The following GSDMC variants were observed in gnomAD, a reference collection of about 807,000 sequenced individuals.
The protein encoded by GSDMC is gasdermin C, also known as gasdermin-C.
GSDMC carries 59 observed loss-of-function variants against 58.0 expected under a neutral mutation model. That is an observed-to-expected ratio of 1.02 (90% CI 0.82 to 1.26). The LOEUF (loss-of-function observed/expected upper bound fraction) is 1.26. Among genes scored for constraint, GSDMC ranks in the 50% most tolerant of loss-of-function variants. GSDMC has a pLI of 0.00. For synonymous variants in GSDMC, 241 were observed against 220.2 expected, an observed-to-expected ratio of 1.09 and a Z score of -0.83; for missense variants, 659 against 598.5, an observed-to-expected ratio of 1.10 and a Z score of -1.06.
intron 9 of GSDMC, 68 bp downstream of exon 9, chr8:129,751,794 T>A: frequency 6.8e-7 from 1 of 1,479,106 alleles, no homozygotes; most frequent in Non-Finnish European, 9.4e-7. Flanking sequence ...GCAGGGGCAA[T>A]CTGCCCTACT....
chr8:129,740,081 A>C, the GSDMC span, among the ~76,000 whole-genome samples: 1 of 151,968 alleles, frequency 6.6e-6, no homozygotes, highest in South Asian at 2.1e-4. Flanking sequence ...GAAATTTTAC[A>C]TAGAAAAAAG....
intron 3 of GSDMC, among the ~76,000 whole-genome samples, chr8:129,775,312 G>C (rs1255753605): frequency 6.6e-6 from 1 of 152,134 alleles, no homozygotes; most frequent in East Asian, 1.9e-4. Context: ...GTCAAACAGA[G>C]AAATACAAAT....
the GSDMC span, among the ~76,000 whole-genome samples, chr8:129,739,726 T>C: frequency 6.6e-6 from 1 of 152,248 alleles, no homozygotes; most frequent in Admixed American, 6.5e-5. Flanking sequence ...CAGTTATCTA[T>C]AATACAGAAT....
At chr8:129,717,779 G>A in the GSDMC span, among the ~76,000 whole-genome samples, 3 of 152,072 alleles carry the variant, frequency 2.0e-5, no homozygotes, top group African/African-American at 7.2e-5. Flanking sequence ...TACACTACAA[G>A]GCTACAGTAA....
At chr8:129,709,641 G>A in the GSDMC span, among the ~76,000 whole-genome samples, 3 of 140,618 alleles carry the variant, frequency 2.1e-5, no homozygotes, top group African/African-American at 8.0e-5. Context: ...GATAGATATG[G>A]AGATAGATAG....
chr8:129,780,824 C>T lies in GSDMC; in HGVS notation c.-4-3233G>A, dbSNP rs115818718. Among the ~76,000 whole-genome samples, 690 of 152,224 alleles carry T rather than the reference C, an allele frequency of 4.5e-3. 11 individuals are homozygous for T. The highest frequency in any genetic ancestry group is 0.016 in the African/African-American group (658 of 41,564). The stretch of plus-strand genomic sequence containing the variant: ...GGCCAAACGATAAACCAATCAAAAG[C>T]AACTACAACTTTCAAGACATAGTAC... On this transcript the variant is annotated intron_variant, in intron 1 of 13. Coordinates refer to ENST00000276708, the MANE Select transcript of GSDMC (RefSeq NM_031415.3).
intron 2 of GSDMC, among the ~76,000 whole-genome samples, chr8:129,776,885 C>T (rs146716745): frequency 2.4e-4 from 37 of 152,026 alleles, no homozygotes; most frequent in African/African-American, 7.0e-4. Flanking sequence ...CTCAGCCTCC[C>T]GAGTAGCTGG....
At chr8:129,751,290 G>A (rs1356940631) in intron 10 of GSDMC, among the ~76,000 whole-genome samples, 5 of 152,290 alleles carry the variant, frequency 3.3e-5, no homozygotes, top group Non-Finnish European at 5.9e-5. Context: ...TACTGCTTGG[G>A]ATGAGAGATC....
intron 3 of GSDMC, 148 bp downstream of exon 3, chr8:129,775,954 T>G (rs2034209129): frequency 4.9e-6 from 3 of 612,770 alleles, no homozygotes; most frequent in Admixed American, 3.1e-5. Flanking sequence ...AAGGGAGGTA[T>G]GAATACTCAA....
At chr8:129,718,143 C>T in the GSDMC span, among the ~76,000 whole-genome samples, 17 of 151,802 alleles carry the variant, frequency 1.1e-4, no homozygotes, top group Admixed American at 7.2e-4. Flanking sequence ...ACACAAAAAG[C>T]GATGGCAAAA....
the GSDMC span, among the ~76,000 whole-genome samples, chr8:129,733,329 A>G: frequency 1.3e-5 from 2 of 152,230 alleles, no homozygotes; most frequent in Non-Finnish European, 2.9e-5. Flanking sequence ...GGCATGGTGC[A>G]TGAGCTCTGA....
chr8:129,741,965 AG>A, the GSDMC span, among the ~76,000 whole-genome samples: 1 of 143,528 alleles, frequency 7.0e-6, no homozygotes, highest in South Asian at 2.2e-4. Flanking sequence ...GCCTTAAAAA[AG>A]AAGGATATGC....
rs2033020210 is a variant in GSDMC at position 129,748,353 on chromosome 8, CA to C, written c.*147del. 6 of 677,846 alleles carry C rather than the reference CA, an allele frequency of 8.9e-6. No individual in the cohort carries two copies. Among genetic ancestry groups the C allele is most frequent in the Non-Finnish European group, 1.4e-5 (6 of 425,192 alleles). The allele number at this position is 677,846 out of a possible 1,614,324, so 42.0% of individuals were successfully genotyped here. A position where few individuals can be genotyped will look rare whatever the true frequency, so the allele number is the denominator to read the frequency against. ...TATAGAGTATTCCACCACCCCAAAA[CA>C]TTTCCTAAAGTCTCTACCCATTACT... On this transcript the variant is annotated 3_prime_UTR_variant, in exon 14 of 14. Coordinates refer to ENST00000276708, the MANE Select transcript of GSDMC (RefSeq NM_031415.3).
In GSDMC at chr8:129,786,159, C is replaced by G. The variant is rs1454627512; in HGVS notation, c.-153G>C. On this transcript the variant is annotated 5_prime_UTR_variant, in exon 1 of 14. Coordinates refer to ENST00000276708, the MANE Select transcript of GSDMC (RefSeq NM_031415.3). ...ATCAGCCAGGCCAAGATGGTGAAAC[C>G]CTGTCTCTACTGAAAATACAAAAAT... 2 of 151,948 alleles carry G rather than the reference C, an allele frequency of 1.3e-5. No homozygotes were observed. The highest frequency in any genetic ancestry group is 1.5e-5 in the Non-Finnish European group (1 of 68,056). The allele number at this position is 151,948 out of a possible 1,614,324, so 9.4% of individuals were successfully genotyped here.
At chr8:129,707,531 A>G in the GSDMC span, among the ~76,000 whole-genome samples, 1 of 152,230 alleles carries the variant, frequency 6.6e-6, no homozygotes. Flanking sequence ...AAATGCAAAT[A>G]TAAGAGCATT....
intron 10 of GSDMC, 36 bp downstream of exon 10, chr8:129,751,506 C>G (rs759933078): frequency 6.3e-7 from 1 of 1,586,334 alleles, no homozygotes; most frequent in Non-Finnish European, 8.6e-7. Context: ...CAGCTCCCAC[C>G]CAGAAGCCCC....
the GSDMC span, among the ~76,000 whole-genome samples, chr8:129,739,580 G>C: frequency 6.6e-6 from 1 of 152,044 alleles, no homozygotes; most frequent in African/African-American, 2.4e-5. Context: ...GATTATAATG[G>C]AGCTGAAAAA....
chr8:129,729,885 C>A, the GSDMC span: 1 of 1,103,410 alleles, frequency 9.1e-7, no homozygotes, highest in Non-Finnish European at 1.4e-6. Flanking sequence ...ATTGCCCCAA[C>A]CTACTGAGAT....
chr8:129,717,287 A>C, the GSDMC span, among the ~76,000 whole-genome samples: 1 of 125,550 alleles, frequency 8.0e-6, no homozygotes, highest in Non-Finnish European at 1.6e-5. Context: ...GTAGGCTATT[A>C]ATTACTGCCT....
Sources: allele counts gnomAD v4.1 joint callset (sites outside exome capture counted in the v4.1 genomes callset), GRCh38; gene constraint gnomAD v4.1.1; transcripts MANE v1.5; gene names NCBI Gene and HGNC (gene_info 2026-07-23, HGNC 2026-07-21).